ORC2: variants seen among roughly 807,000 people sequenced by gnomAD.
The protein encoded by ORC2 is origin recognition complex protein 2 homolog.
ORC2 carries 37 observed loss-of-function variants against 77.7 expected under a neutral mutation model. The ratio of observed to expected loss-of-function variants is 0.48; its 90% CI spans 0.37 to 0.63. The LOEUF (loss-of-function observed/expected upper bound fraction) is 0.63, where lower values mean the gene tolerates loss of function less well. ORC2 is among the 20% of genes least tolerant of loss of function. The probability of loss-of-function intolerance (pLI) is 0.00; values close to 1 mark genes in which losing one functional copy is unlikely to be tolerated. For synonymous variants in ORC2, 201 were observed against 229.5 expected, an observed-to-expected ratio of 0.88 and a Z score of 1.12; for missense variants, 557 against 661.9, an observed-to-expected ratio of 0.84 and a Z score of 1.74.
At chr2:200,935,954 G>A in intron 8 of ORC2, 62 bp from the exon 9 acceptor site, 2 of 1,428,040 alleles carry the variant, frequency 1.4e-6, no homozygotes, top group South Asian at 2.6e-5. Context: ...GCATTGTGGG[G>A]TAAAGCAAAG....
chr2:200,918,493 C>CTT (rs780546358), intron 15 of ORC2, among the ~76,000 whole-genome samples: 11 of 144,326 alleles, frequency 7.6e-5, no homozygotes, highest in Non-Finnish European at 1.2e-4. Context: ...TTTCTTCTTT[C>CTT]TTTTTTTTTT....
At chr2:200,946,377 A>G (rs371762960) in intron 5 of ORC2, among the ~76,000 whole-genome samples, 162 of 152,292 alleles carry the variant, frequency 1.1e-3, no homozygotes, top group African/African-American at 3.4e-3. Flanking sequence ...TTTTACTGAT[A>G]TATTTAGATG....
chr2:200,948,850 C>T (rs149470976), intron 5 of ORC2, among the ~76,000 whole-genome samples: 4 of 152,192 alleles, frequency 2.6e-5, no homozygotes, highest in South Asian at 2.1e-4. Context: ...GGATTACAGC[C>T]GTGAGCAACC....
chr2:200,927,633 T>C (rs1444934395), intron 11 of ORC2, among the ~76,000 whole-genome samples: 1 of 147,388 alleles, frequency 6.8e-6, no homozygotes, highest in African/African-American at 2.5e-5. Context: ...GAGCTTGCAG[T>C]GAGCCGAGAT....
chr2:200,943,067 T>A (rs999755097), intron 5 of ORC2: 3 of 197,694 alleles, frequency 1.5e-5, no homozygotes, highest in Admixed American at 1.2e-4. Context: ...ATCAACCACT[T>A]ATGTTCCTTT....
chr2:200,961,965 G>A (rs1233337823), intron 1 of ORC2, among the ~76,000 whole-genome samples: 1 of 152,220 alleles, frequency 6.6e-6, no homozygotes, highest in African/African-American at 2.4e-5. Context: ...AGGCAACTGA[G>A]TATTGTCCTA....
chr2:200,953,094 C>CA (rs1279656951), intron 4 of ORC2, among the ~76,000 whole-genome samples: 1 of 127,466 alleles, frequency 7.8e-6, no homozygotes, highest in Non-Finnish European at 1.6e-5. Context: ...GCCTAGGTGA[C>CA]AGAGTGAGAC....
At chr2:200,940,296 G>A (rs1027643804) in intron 7 of ORC2, among the ~76,000 whole-genome samples, 2 of 152,134 alleles carry the variant, frequency 1.3e-5, no homozygotes, top group Admixed American at 6.5e-5. Flanking sequence ...CCGTGGGTCT[G>A]GGGAGTAACA....
At chr2:200,945,574 TATG>T (rs1361259572) in intron 5 of ORC2, among the ~76,000 whole-genome samples, 1 of 151,986 alleles carries the variant, frequency 6.6e-6, no homozygotes, top group Non-Finnish European at 1.5e-5. Flanking sequence ...TAAAAAAAAT[TATG>T]ATATTATTTG....
At chr2:200,945,453 C>T (rs2041233435) in intron 5 of ORC2, among the ~76,000 whole-genome samples, 1 of 103,846 alleles carries the variant, frequency 9.6e-6, no homozygotes. Flanking sequence ...GCTAAAGGGA[C>T]ACTGAGGAAA....
At chr2:200,942,635 C>T (rs2041174583) in intron 6 of ORC2, 50 bp downstream of exon 6, 2 of 990,924 alleles carry the variant, frequency 2.0e-6, no homozygotes, top group East Asian at 5.1e-5. Flanking sequence ...CATGCTCTAT[C>T]TTGAAGCAAC....
intron 6 of ORC2, among the ~76,000 whole-genome samples, chr2:200,941,929 A>G (rs2041159147): frequency 6.6e-6 from 1 of 151,918 alleles, no homozygotes; most frequent in Non-Finnish European, 1.5e-5. Flanking sequence ...AGAGGTTGCA[A>G]TGAGCCAAGA....
chr2:200,936,686 T>C (rs1340348877), intron 8 of ORC2, among the ~76,000 whole-genome samples: 3 of 152,194 alleles, frequency 2.0e-5, no homozygotes, highest in Non-Finnish European at 4.4e-5. Flanking sequence ...ACTCAATAAA[T>C]GGTACTTATG....
chr2:200,941,478 T>C (rs548056975), intron 6 of ORC2, among the ~76,000 whole-genome samples, 199 bp from the exon 7 acceptor site: 1 of 147,430 alleles, frequency 6.8e-6, no homozygotes, highest in Admixed American at 6.8e-5. Context: ...CCTGTGTCTA[T>C]TCAAAAAATT....
chr2:200,918,482 TTTTCTTC>T (rs1336806711), intron 15 of ORC2, among the ~76,000 whole-genome samples: 4 of 151,934 alleles, frequency 2.6e-5, no homozygotes, highest in African/African-American at 9.7e-5. Context: ...TTTTTTTCTT[TTTTCTTC>T]TTTCTTTTTT....
intron 15 of ORC2, among the ~76,000 whole-genome samples, chr2:200,917,694 C>A (rs188798642): frequency 3.3e-5 from 5 of 152,164 alleles, no homozygotes; most frequent in Admixed American, 3.3e-4. Context: ...ATGTCAATTT[C>A]TTGGTTCTGA....
intron 2 of ORC2, among the ~76,000 whole-genome samples, 158 bp downstream of exon 2, chr2:200,959,234 C>T (rs768288914): frequency 6.6e-6 from 1 of 152,206 alleles, no homozygotes; most frequent in African/African-American, 2.4e-5. Flanking sequence ...TTTCCCACCT[C>T]ACCCTCCCAA....
intron 13 of ORC2, 49 bp downstream of exon 13, chr2:200,925,787 T>G (rs576714385): frequency 2.6e-6 from 2 of 768,518 alleles, no homozygotes; most frequent in Admixed American, 4.0e-5. Context: ...TAAGTAGAAG[T>G]ATATGCTTAA....
intron 8 of ORC2, among the ~76,000 whole-genome samples, chr2:200,936,867 G>A (rs1240474496): frequency 6.6e-6 from 1 of 151,850 alleles, no homozygotes; most frequent in Non-Finnish European, 1.5e-5. Flanking sequence ...GCATAAAACT[G>A]TTTTTAAAAG....
Sources: allele counts gnomAD v4.1 joint callset (sites outside exome capture counted in the v4.1 genomes callset), GRCh38; gene constraint gnomAD v4.1.1; transcripts MANE v1.5; gene names NCBI Gene and HGNC (gene_info 2026-07-23, HGNC 2026-07-21).